Variants in STK32B observed in about 807,000 individuals in gnomAD.
The protein encoded by STK32B is serine/threonine kinase 32B.
A neutral mutation model predicts 52.6 loss-of-function variants in STK32B; 43 were observed. That is an observed-to-expected ratio of 0.82 (90% CI 0.64 to 1.05). STK32B has a LOEUF of 1.05. Among genes scored for constraint, STK32B ranks in the 50% least tolerant of loss-of-function variants. The pLI, the probability that STK32B is intolerant of heterozygous loss-of-function variation, is 0.00. For synonymous variants in STK32B, 238 were observed against 204.3 expected, an observed-to-expected ratio of 1.17 and a Z score of -1.41; for missense variants, 621 against 534.6, an observed-to-expected ratio of 1.16 and a Z score of -1.59.
At chr4:5,493,055 C>G (rs535515465) in intron 11 of STK32B, among the ~76,000 whole-genome samples, 32 of 151,320 alleles carry the variant, frequency 2.1e-4, no homozygotes, top group Non-Finnish European at 3.8e-4. Context: ...ATGGTTGTGT[C>G]TCTGCCTGGC....
chr4:5,155,504 T>C (rs10428318), intron 2 of STK32B, among the ~76,000 whole-genome samples: 4,418 of 152,254 alleles, frequency 0.029, 197 homozygotes, highest in African/African-American at 0.099. Flanking sequence ...GACACACATA[T>C]GTATATGCAT....
intron 3 of STK32B, among the ~76,000 whole-genome samples, chr4:5,250,242 A>G (rs1236989435): frequency 1.3e-5 from 2 of 151,830 alleles, no homozygotes; most frequent in Non-Finnish European, 2.9e-5. Context: ...AATAAAACAA[A>G]TTATATTCCT....
chr4:5,426,692 C>CAAAAAAAAAAAAAAAAAA (rs746246839), intron 6 of STK32B, among the ~76,000 whole-genome samples: 6 of 78,022 alleles, frequency 7.7e-5, no homozygotes, highest in Admixed American at 1.9e-4. Flanking sequence ...TCCATCTAAA[C>CAAAAAAAAAAAAAAAAAA]AAAAAAAAAA....
chr4:5,396,924 G>A lies in STK32B; in HGVS notation c.435-1283G>A, dbSNP rs10026483. On this transcript the variant is annotated intron_variant, in intron 4 of 11. Coordinates refer to ENST00000282908, the MANE Select transcript of STK32B (RefSeq NM_018401.3). The surrounding 1 kb of genome is among the most constrained non-coding windows in gnomAD (Gnocchi z 4.7). ...CATGTGGCTCCCTACGGGTCTCTGCGGTAATCTCTTTGTTCACAGTGGAGG... is the reference window on the plus strand; with the variant it reads ...CATGTGGCTCCCTACGGGTCTCTGCAGTAATCTCTTTGTTCACAGTGGAGG... Among the ~76,000 whole-genome samples, 5,385 of 152,180 alleles carry A rather than the reference G, an allele frequency of 0.035. 150 individuals are homozygous for A. The highest frequency in any genetic ancestry group is 0.084 in the East Asian group (433 of 5,154).
At chr4:5,090,021 A>T (rs1211707327) in intron 1 of STK32B, among the ~76,000 whole-genome samples, 1 of 151,928 alleles carries the variant, frequency 6.6e-6, no homozygotes, top group Non-Finnish European at 1.5e-5. Context: ...TTCTTTTGAG[A>T]AGTGTCTGTT....
chr4:5,040,374 G>A, the STK32B span, among the ~76,000 whole-genome samples: 1 of 148,398 alleles, frequency 6.7e-6, no homozygotes, highest in East Asian at 2.1e-4. Context: ...ACATGATGAG[G>A]CAGTGGCAGT....
chr4:5,074,209 T>TGTGTGTGTGTGTGTGTGTGC (rs397878571), intron 1 of STK32B, among the ~76,000 whole-genome samples: 11 of 144,316 alleles, frequency 7.6e-5, no homozygotes, highest in African/African-American at 2.8e-4. Context: ...TGTGTGTGTG[T>TGTGTGTGTGTGTGTGTGTGC]GCGCGTGCGT....
chr4:5,025,980 G>A, the STK32B span, among the ~76,000 whole-genome samples: 1 of 152,162 alleles, frequency 6.6e-6, no homozygotes, highest in Non-Finnish European at 1.5e-5. Flanking sequence ...CATGTCCCAT[G>A]ACCGACACCT....
chr4:5,343,247 G>A (rs1468909737), intron 4 of STK32B, among the ~76,000 whole-genome samples: 3 of 151,946 alleles, frequency 2.0e-5, no homozygotes. Flanking sequence ...ATGGTTTCCA[G>A]CTTCATCCAT....
At chr4:5,184,502 A>G (rs2108756441) in intron 3 of STK32B, among the ~76,000 whole-genome samples, 1 of 152,182 alleles carries the variant, frequency 6.6e-6, no homozygotes, top group South Asian at 2.1e-4. Context: ...AGTCTGGCCA[A>G]CATGGTGAAA....
intron 1 of STK32B, among the ~76,000 whole-genome samples, chr4:5,136,628 C>G (rs888570772): frequency 2.6e-5 from 4 of 152,202 alleles, no homozygotes; most frequent in Non-Finnish European, 5.9e-5. Flanking sequence ...AAAGAAACCA[C>G]TCTTCAACCC....
intron 1 of STK32B, among the ~76,000 whole-genome samples, chr4:5,120,875 G>T (rs1311628090): frequency 1.3e-5 from 2 of 150,958 alleles, no homozygotes; most frequent in African/African-American, 2.4e-5. Flanking sequence ...CTTCATTTAA[G>T]AAATTATATT....
chr4:5,205,167 T>C (rs1281484562), intron 3 of STK32B, among the ~76,000 whole-genome samples: 6 of 151,364 alleles, frequency 4.0e-5, no homozygotes, highest in Admixed American at 3.9e-4. Context: ...ACCTTGGGAC[T>C]GGGACTTATA....
At chr4:5,416,388 A>G (rs1452937507) in intron 5 of STK32B, among the ~76,000 whole-genome samples, 2 of 152,016 alleles carry the variant, frequency 1.3e-5, no homozygotes, top group Non-Finnish European at 1.5e-5. Flanking sequence ...TCTCCCTACT[A>G]AATTCCTCAA....
intron 3 of STK32B, among the ~76,000 whole-genome samples, chr4:5,318,848 G>A (rs6814354): frequency 0.24 from 35,883 of 151,078 alleles, 7,000 homozygotes; most frequent in African/African-American, 0.55. Flanking sequence ...CGCCCACACT[G>A]GAGTGCAGTG....
chr4:5,184,616 A>G (rs547996540), intron 3 of STK32B, among the ~76,000 whole-genome samples: 51 of 146,292 alleles, frequency 3.5e-4, no homozygotes, highest in Non-Finnish European at 7.2e-4. Flanking sequence ...TGAACCCGGG[A>G]GGCAGAGGTT....
At chr4:5,420,211 C>G (rs1712506481) in intron 6 of STK32B, among the ~76,000 whole-genome samples, 1 of 152,170 alleles carries the variant, frequency 6.6e-6, no homozygotes, top group Non-Finnish European at 1.5e-5. Flanking sequence ...ACCTGGACTC[C>G]CATGACAGCA....
chr4:5,159,589 A>G (rs1718197699), intron 2 of STK32B, among the ~76,000 whole-genome samples: 1 of 114,500 alleles, frequency 8.7e-6, no homozygotes, highest in Admixed American at 1.0e-4. Flanking sequence ...ATATATATGA[A>G]TATATATGAA....
chr4:5,132,357 G>A (rs1444615865), intron 1 of STK32B, among the ~76,000 whole-genome samples: 1 of 152,118 alleles, frequency 6.6e-6, no homozygotes, highest in Admixed American at 6.6e-5. Context: ...TGGAGGGAGA[G>A]GATCAAAAAG....
Sources: gnomAD v4.1 joint callset for allele counts (sites outside exome capture counted in the v4.1 genomes callset) on GRCh38, gnomAD v4.1.1 for gene constraint, Gnocchi (gnomAD v3.1) non-coding constraint, MANE v1.5 for transcripts, NCBI Gene and HGNC (gene_info 2026-07-23, HGNC 2026-07-21) for gene names.